MDGA2: variants seen among roughly 807,000 people sequenced by gnomAD.
MDGA2 encodes MAM domain containing glycosylphosphatidylinositol anchor 2.
Under a neutral mutation model 117.8 loss-of-function variants are expected in MDGA2, and 40 were observed. The ratio of observed to expected loss-of-function variants is 0.34; its 90% CI spans 0.26 to 0.44. The LOEUF is 0.44. Among genes scored for constraint, MDGA2 ranks in the 20% least tolerant of loss-of-function variants. The pLI is 1.00. For missense variants in MDGA2, 1,123 were observed against 1,250.6 expected, an observed-to-expected ratio of 0.90 and a Z score of 1.54; for synonymous variants, 452 against 439.0, an observed-to-expected ratio of 1.03 and a Z score of -0.37.
intron 1 of MDGA2, among the ~76,000 whole-genome samples, chr14:47,635,473 AGGGAT>A (rs1218851595): frequency 2.6e-5 from 4 of 152,180 alleles, no homozygotes; most frequent in Non-Finnish European, 4.4e-5. Context: ...TTTTAAAAGT[AGGGAT>A]AATTGTGCGA....
At chr14:47,340,925 G>C (rs1411816616) in intron 1 of MDGA2, among the ~76,000 whole-genome samples, 1 of 152,128 alleles carries the variant, frequency 6.6e-6, no homozygotes, top group East Asian at 1.9e-4. Context: ...TTGTTATGCT[G>C]TTTCTGTGAT....
At chr14:47,187,525 T>C (rs892896826) in intron 3 of MDGA2, among the ~76,000 whole-genome samples, 3 of 152,096 alleles carry the variant, frequency 2.0e-5, no homozygotes, top group African/African-American at 7.2e-5. Context: ...TTAATGCTTG[T>C]GAGATGAATC....
chr14:47,155,888 C>CTTTTTTTTTTTTTTTT lies in MDGA2; in HGVS notation c.596-11630_596-11615dup, dbSNP rs55827732. Among the ~76,000 whole-genome samples, 34 of 40,188 alleles carry CTTTTTTTTTTTTTTTT rather than the reference C, an allele frequency of 8.5e-4. 5 individuals are homozygous for CTTTTTTTTTTTTTTTT. The highest frequency in any genetic ancestry group is 0.019 in the Middle Eastern group (1 of 54). 26.4% of individuals were successfully genotyped at this position (40,188 alleles called of 152,430 possible). On this transcript the variant is annotated intron_variant, in intron 3 of 16. Coordinates refer to ENST00000399232, the MANE Select transcript of MDGA2 (RefSeq NM_001113498.3). ...ATTCTTTTCTTTTCTTCTTCTTCTTCTTTTTTTTTTTTTTTTTTTTTTTTT... is the reference window on the plus strand; with the variant it reads ...ATTCTTTTCTTTTCTTCTTCTTCTTCTTTTTTTTTTTTTTTTTTTTTTTTTTTTTTTTTTTTTTTTT...
At chr14:47,065,341 A>T (rs538100829) in intron 6 of MDGA2, among the ~76,000 whole-genome samples, 1 of 152,270 alleles carries the variant, frequency 6.6e-6, no homozygotes, top group African/African-American at 2.4e-5. Context: ...AATGGAGTGA[A>T]ACCCAAGTAT....
chr14:47,446,324 T>G (rs1056189373), intron 1 of MDGA2, among the ~76,000 whole-genome samples: 1 of 152,124 alleles, frequency 6.6e-6, no homozygotes, highest in Non-Finnish European at 1.5e-5. Context: ...ACAAGAAATC[T>G]GAGTGGAAGA....
intron 3 of MDGA2, among the ~76,000 whole-genome samples, chr14:47,181,136 A>G (rs1294532425): frequency 2.0e-5 from 3 of 152,132 alleles, no homozygotes. Flanking sequence ...GGTTTGTTAC[A>G]TAGGTATACA....
At chr14:47,657,718 G>A (rs1159146327) in intron 1 of MDGA2, among the ~76,000 whole-genome samples, 1 of 152,204 alleles carries the variant, frequency 6.6e-6, no homozygotes, top group Non-Finnish European at 1.5e-5. Flanking sequence ...ACTAACCAAA[G>A]GGATCCACTG....
chr14:47,018,756 A>C (rs1888175930), intron 8 of MDGA2, among the ~76,000 whole-genome samples: 2 of 139,602 alleles, frequency 1.4e-5, no homozygotes, highest in African/African-American at 5.2e-5. Context: ...AAAAAAAAAA[A>C]AAAAAAGTCT....
At chr14:47,019,807 C>G (rs1888221316) in intron 8 of MDGA2, among the ~76,000 whole-genome samples, 1 of 149,976 alleles carries the variant, frequency 6.7e-6, no homozygotes, top group Non-Finnish European at 1.5e-5. Context: ...TTGCACCACT[C>G]CAGCCGGGGC....
At chr14:46,984,802 C>G (rs1228549495) in intron 8 of MDGA2, among the ~76,000 whole-genome samples, 1 of 152,014 alleles carries the variant, frequency 6.6e-6, no homozygotes, top group Non-Finnish European at 1.5e-5. Flanking sequence ...AAAATTTATA[C>G]TTAATTTTCC....
intron 1 of MDGA2, among the ~76,000 whole-genome samples, chr14:47,395,271 C>A (rs568535865): frequency 6.6e-6 from 1 of 152,112 alleles, no homozygotes; most frequent in Admixed American, 6.6e-5. Context: ...AAGCTTGATG[C>A]AGAATGAAAA....
intron 6 of MDGA2, among the ~76,000 whole-genome samples, chr14:47,064,702 A>G (rs61129055): frequency 6.8e-4 from 103 of 152,236 alleles, no homozygotes; most frequent in African/African-American, 2.3e-3. Context: ...ATTGTGAGAA[A>G]TAGCTTATTA....
At chr14:47,463,697 C>T (rs1242936986) in intron 1 of MDGA2, among the ~76,000 whole-genome samples, 3 of 152,078 alleles carry the variant, frequency 2.0e-5, no homozygotes, top group Non-Finnish European at 4.4e-5. Context: ...GGGTCATATA[C>T]TTAGTATTAT....
intron 5 of MDGA2, among the ~76,000 whole-genome samples, chr14:47,102,384 C>CACACACAA (rs1375289745): frequency 6.7e-6 from 1 of 149,232 alleles, no homozygotes; most frequent in Non-Finnish European, 1.5e-5. Context: ...CACACACACA[C>CACACACAA]ACACACACAA....
intron 1 of MDGA2, among the ~76,000 whole-genome samples, chr14:47,351,615 T>C (rs186227441): frequency 6.6e-6 from 1 of 152,282 alleles, no homozygotes; most frequent in Admixed American, 6.5e-5. Flanking sequence ...GAGTTTCTTG[T>C]ATATCCATTG....
chr14:47,065,347 A>G (rs1371279239), intron 6 of MDGA2, among the ~76,000 whole-genome samples: 1 of 152,180 alleles, frequency 6.6e-6, no homozygotes, highest in African/African-American at 2.4e-5. Context: ...GTGAAACCCA[A>G]GTATTGAAAC....
intron 5 of MDGA2, among the ~76,000 whole-genome samples, chr14:47,106,760 C>T (rs1594627841): frequency 6.7e-6 from 1 of 149,106 alleles, no homozygotes; most frequent in Non-Finnish European, 1.5e-5. Flanking sequence ...TTAATCAATA[C>T]AGAGGCTACT....
chr14:47,294,686 A>C (rs1889003988), intron 2 of MDGA2, among the ~76,000 whole-genome samples: 1 of 152,134 alleles, frequency 6.6e-6, no homozygotes, highest in Non-Finnish European at 1.5e-5. Context: ...TTCTTATTCA[A>C]GTGCATGCAC....
intron 6 of MDGA2, among the ~76,000 whole-genome samples, chr14:47,092,671 A>C (rs1341834192): frequency 1.3e-5 from 2 of 152,024 alleles, no homozygotes; most frequent in African/African-American, 4.8e-5. Context: ...AGAAACTAAA[A>C]CCTGTGTGGC....
Sources: allele counts gnomAD v4.1 joint callset (sites outside exome capture counted in the v4.1 genomes callset), GRCh38; gene constraint gnomAD v4.1.1; transcripts MANE v1.5; gene names NCBI Gene and HGNC (gene_info 2026-07-23, HGNC 2026-07-21).